MAF: variants seen among roughly 807,000 people sequenced by gnomAD.
The protein encoded by MAF is transcription factor Maf.
MAF carries 10 observed loss-of-function variants against 22.0 expected under a neutral mutation model. That is an observed-to-expected ratio of 0.45 (90% CI 0.28 to 0.77). MAF has a LOEUF of 0.77. Among genes scored for constraint, MAF ranks in the 30% least tolerant of loss-of-function variants. MAF has a pLI of 0.12. For synonymous variants in MAF, 337 were observed against 255.8 expected (o/e 1.32, Z -3.03); for missense variants, 544 against 548.4 (o/e 0.99, Z 0.08).
At chr16:79,552,689 C>G in the MAF span, among the ~76,000 whole-genome samples, 1 of 152,176 alleles carries the variant, frequency 6.6e-6, no homozygotes. Flanking sequence ...TCTTCACTAA[C>G]CATAGCCGGC....
the MAF span, among the ~76,000 whole-genome samples, chr16:79,255,982 CTT>C: frequency 5.0e-5 from 5 of 99,694 alleles, no homozygotes; most frequent in African/African-American, 9.2e-5. Flanking sequence ...CTTTTCTTTT[CTT>C]TTTTTTTTTT....
chr16:79,339,376 A>G, the MAF span, among the ~76,000 whole-genome samples: 3 of 152,146 alleles, frequency 2.0e-5, no homozygotes, highest in African/African-American at 7.2e-5. Context: ...TGGGTTTTAA[A>G]AATTGAGTGT....
At chr16:79,492,877 T>C in the MAF span, among the ~76,000 whole-genome samples, 1 of 152,162 alleles carries the variant, frequency 6.6e-6, no homozygotes, top group Admixed American at 6.5e-5. Flanking sequence ...AGGAGGTTAG[T>C]GATTGGGAGG....
At chr16:79,496,610 T>C in the MAF span, among the ~76,000 whole-genome samples, 37 of 152,330 alleles carry the variant, frequency 2.4e-4, no homozygotes, top group African/African-American at 8.4e-4. Context: ...TCTATATAAA[T>C]CGAGAATTCC....
At chr16:79,356,551 T>C in the MAF span, among the ~76,000 whole-genome samples, 1 of 152,186 alleles carries the variant, frequency 6.6e-6, no homozygotes, top group Admixed American at 6.5e-5. Context: ...CTGTATTCCC[T>C]GAAGATTCAC....
chr16:79,411,233 C>T, the MAF span, among the ~76,000 whole-genome samples: 19 of 145,988 alleles, frequency 1.3e-4, no homozygotes, highest in Non-Finnish European at 2.7e-4. Flanking sequence ...TCGCCTTTCT[C>T]GTTATTTTTT....
the MAF span, among the ~76,000 whole-genome samples, chr16:79,225,446 GTATGGGCAAAGACA>G: frequency 7.2e-5 from 11 of 152,200 alleles, no homozygotes; most frequent in East Asian, 1.9e-3. Flanking sequence ...CAGGTCATAG[GTATGGGCAAAGACA>G]TATGGGCAAA....
the MAF span, among the ~76,000 whole-genome samples, chr16:79,287,398 G>T: frequency 6.6e-6 from 1 of 152,214 alleles, no homozygotes; most frequent in Admixed American, 6.5e-5. Flanking sequence ...GCGGGGGCTG[G>T]CGGGGGAGGC....
the MAF span, among the ~76,000 whole-genome samples, chr16:79,577,835 T>C: frequency 6.6e-6 from 1 of 152,350 alleles, no homozygotes; most frequent in East Asian, 1.9e-4. Context: ...GTTCTGAATC[T>C]TGACTGTGGA....
chr16:79,219,384 C>A, the MAF span, among the ~76,000 whole-genome samples: 6 of 151,928 alleles, frequency 3.9e-5, no homozygotes, highest in Non-Finnish European at 8.8e-5. Context: ...TTAAGACTCA[C>A]AGCTTTTGTA....
At chr16:79,400,591 C>T in the MAF span, among the ~76,000 whole-genome samples, 3 of 152,212 alleles carry the variant, frequency 2.0e-5, no homozygotes, top group Admixed American at 6.5e-5. Context: ...AGAAGAATAC[C>T]CCCTTCACGG....
chr16:79,268,591 G>T, the MAF span, among the ~76,000 whole-genome samples: 7 of 152,180 alleles, frequency 4.6e-5, no homozygotes, highest in Admixed American at 4.6e-4. Context: ...AACAGACATA[G>T]AGTTGTTTAA....
chr16:79,315,208 C>T, the MAF span, among the ~76,000 whole-genome samples: 3 of 152,080 alleles, frequency 2.0e-5, no homozygotes, highest in African/African-American at 7.2e-5. Context: ...GTGGAGTTTA[C>T]ATTCTAGTGG....
chr16:79,301,253 G>GA, the MAF span, among the ~76,000 whole-genome samples: 1 of 152,142 alleles, frequency 6.6e-6, no homozygotes, highest in African/African-American at 2.4e-5. Flanking sequence ...GGAAGCGTTT[G>GA]GTGTTTGAAT....
chr16:79,211,584 TTGTC>T, the MAF span: 2 of 1,613,974 alleles, frequency 1.2e-6, no homozygotes, highest in South Asian at 2.2e-5. Flanking sequence ...AAATTTTTTT[TTGTC>T]TTTCTTCTTG....
the MAF span, among the ~76,000 whole-genome samples, chr16:79,270,893 G>A: frequency 9.5e-6 from 1 of 105,538 alleles, no homozygotes; most frequent in East Asian, 3.2e-4. Flanking sequence ...ACAAAGACAT[G>A]GCCAGAGTTT....
At chr16:79,304,209 C>T in the MAF span, among the ~76,000 whole-genome samples, 3 of 152,196 alleles carry the variant, frequency 2.0e-5, no homozygotes, top group Non-Finnish European at 4.4e-5. Flanking sequence ...ACCTGTCGCA[C>T]CCTGGCAGAA....
the MAF span, chr16:79,515,929 A>G: frequency 6.6e-6 from 1 of 150,442 alleles, no homozygotes; most frequent in Non-Finnish European, 1.5e-5. Context: ...CCCACACTGC[A>G]CATGTTACTT....
At position 79,596,217 on chromosome 16, in the gene MAF, G is replaced by C. The variant is rs115499325; in HGVS notation, c.1119-1664C>G. The stretch of plus-strand genomic sequence containing the variant: ...TGTTTTGTTTTGTTTTTCCTACCAA[G>C]GGCAATTATGGCTCAACTCATTTGA... On this transcript the variant is annotated intron_variant, in intron 1 of 1. Coordinates refer to ENST00000326043, the MANE Select transcript of MAF (RefSeq NM_005360.5). 9.4e-5 allele frequency: 100 copies of C among 1,061,122 alleles called. No homozygotes were observed. In the African/African-American group the frequency reaches 1.6e-3, roughly 17 times the overall value. The allele number at this position is 1,061,122 out of a possible 1,614,324, so 65.7% of individuals were successfully genotyped here.
Sources: allele counts gnomAD v4.1 joint callset (sites outside exome capture counted in the v4.1 genomes callset), GRCh38; gene constraint gnomAD v4.1.1; transcripts MANE v1.5; gene names NCBI Gene and HGNC (gene_info 2026-07-23, HGNC 2026-07-21).